The following PDE9A variants were observed in gnomAD, a reference collection of about 807,000 sequenced individuals.
PDE9A encodes the protein high affinity cGMP-specific 3',5'-cyclic phosphodiesterase 9A.
PDE9A carries 60 observed loss-of-function variants against 87.4 expected under a neutral mutation model. The observed-to-expected ratio is 0.69, with a 90% CI of 0.56 to 0.85. The LOEUF (loss-of-function observed/expected upper bound fraction) is 0.85, where lower values mean the gene tolerates loss of function less well. Among genes scored for constraint, PDE9A ranks in the 40% least tolerant of loss-of-function variants. The probability of loss-of-function intolerance (pLI) is 0.00; values close to 1 mark genes in which losing one functional copy is unlikely to be tolerated. For missense variants in PDE9A, 665 were observed against 779.0 expected (o/e 0.85, Z 1.74); for synonymous variants, 272 against 279.4 (o/e 0.97, Z 0.27).
At chr21:42,769,308 C>T (rs961488130) in intron 17 of PDE9A, among the ~76,000 whole-genome samples, 153 bp downstream of exon 17, 1 of 151,018 alleles carries the variant, frequency 6.6e-6, no homozygotes, top group Non-Finnish European at 1.5e-5. Context: ...CACATACAGG[C>T]ACATACACAT....
rs983208340 is a variant in PDE9A, at chr21:42,759,438, TGTGA to T, written c.897+357_897+360del. Among the ~76,000 whole-genome samples the T allele has an allele frequency of 2.6e-4, 38 of 143,406 alleles. No homozygotes were observed. The highest frequency in any genetic ancestry group is 4.4e-3 in the Middle Eastern group (1 of 226). The allele number at this position is 143,406 out of a possible 152,430, so 94.1% of individuals were successfully genotyped here. ...GTGAGAGTGAGTATGGGGGTGTGGA[TGTGA>T]GTGTGTGTGAGTGTGGGGTGTGGAT... On this transcript the variant is annotated intron_variant, in intron 11 of 19. Coordinates refer to ENST00000291539, the MANE Select transcript of PDE9A (RefSeq NM_002606.3). This position sits in a 1 kb window ranked among gnomAD's most constrained non-coding sequence, Gnocchi z 7.2.
chr21:42,655,173 TAC>T (rs1323998925), intron 1 of PDE9A, among the ~76,000 whole-genome samples: 2 of 150,092 alleles, frequency 1.3e-5, no homozygotes, highest in Admixed American at 6.6e-5. Context: ...CACACGTGCA[TAC>T]ACACACGTGC....
In PDE9A at chr21:42,772,091, G is replaced by A. The variant is rs541658805; in HGVS notation, c.1687-348G>A. On this transcript the variant is annotated intron_variant, in intron 18 of 19. Transcript: ENST00000291539. The stretch of plus-strand genomic sequence containing the variant: ...GATAGTAGGGTTCCTTAAGGCCTCT[G>A]CCTTCCCCCCTGTCAGCCCCCACAA... Among the ~76,000 whole-genome samples the A allele has an allele frequency of 2.8e-3, 421 of 149,524 alleles. 3 individuals are homozygous for A. Among genetic ancestry groups the A allele is most frequent in the African/African-American group, 1.0e-2 (388 of 38,872 alleles).
At chr21:42,717,905 G>T (rs73229566) in intron 4 of PDE9A, among the ~76,000 whole-genome samples, 5 of 64,440 alleles carry the variant, frequency 7.8e-5, no homozygotes, top group Non-Finnish European at 1.2e-4. Flanking sequence ...TTTGGGGTTT[G>T]TTTGTTTGTT....
In PDE9A at chr21:42,765,561, GCTCACA is replaced by G. The variant is rs2056311753; in HGVS notation, c.1356+70_1356+75del. Reference sequence around the variant, plus strand: ...GCTGGCGAAGCAGGTCATCCATCCAGCTCACACTGGAAGCCAAGAAGCTGAAATTAT... The same window carrying G: ...GCTGGCGAAGCAGGTCATCCATCCAGCTGGAAGCCAAGAAGCTGAAATTAT... On this transcript the variant is annotated intron_variant, in intron 15 of 19. Transcript: ENST00000291539. 9.7e-6 allele frequency: 8 copies of G among 825,288 alleles called. No homozygotes were observed. The East Asian group carries it at 2.1e-4, about 21-fold the overall frequency. 51.1% of individuals were successfully genotyped at this position (825,288 alleles called of 1,614,324 possible). A position where few individuals can be genotyped will look rare whatever the true frequency, so the allele number is the denominator to read the frequency against.
chr21:42,689,539 C>T, intron 3 of PDE9A: 1 of 985,444 alleles, frequency 1.0e-6, no homozygotes, highest in Non-Finnish European at 1.2e-6. Context: ...CTCACAGAAA[C>T]CAGCACCTTG....
intron 7 of PDE9A, among the ~76,000 whole-genome samples, chr21:42,738,983 G>A (rs374249862): frequency 1.7e-4 from 26 of 152,308 alleles, no homozygotes; most frequent in Non-Finnish European, 2.8e-4. Flanking sequence ...GAGCCACTGC[G>A]CCCGGCCTAC....
chr21:42,769,320 TAC>T lies in PDE9A; in HGVS notation c.1590+172_1590+173del, dbSNP rs776730167. ...ACGCACATACAGGCACATACACATA[TAC>T]ACACACGCACACAGCTACACACAGG... On this transcript the variant is annotated intron_variant, in intron 17 of 19. Coordinates refer to ENST00000291539, the MANE Select transcript of PDE9A (RefSeq NM_002606.3). Among the ~76,000 whole-genome samples, 462 of 142,968 alleles carry T rather than the reference TAC, an allele frequency of 3.2e-3. 1 individual carries two copies. Among genetic ancestry groups the T allele is most frequent in the African/African-American group, 6.5e-3 (248 of 37,902 alleles). The allele number at this position is 142,968 out of a possible 152,430, so 93.8% of individuals were successfully genotyped here.
rs1475965827 is a variant in PDE9A at position 42,753,874 on chromosome 21, AAAAAG to A, written c.736-112_736-108del. On this transcript the variant is annotated intron_variant, in intron 9 of 19. Transcript: ENST00000291539. ...GAGACTCTATCTCAAAAAAAAAAAA[AAAAAG>A]AAAGAAAGAAAAAGAAAGAGAACGG... is the stretch of plus-strand genomic sequence containing the variant. 4.1e-3 allele frequency: 2,455 copies of A among 604,236 alleles called. 11 individuals carry two copies. The highest frequency in any genetic ancestry group is 0.019 in the Middle Eastern group (72 of 3,772). 37.4% of individuals were successfully genotyped at this position (604,236 alleles called of 1,614,324 possible). A position where few individuals can be genotyped will look rare whatever the true frequency, so the allele number is the denominator to read the frequency against.
intron 1 of PDE9A, among the ~76,000 whole-genome samples, chr21:42,667,012 TC>T (rs559452601): frequency 1.4e-5 from 2 of 145,726 alleles, no homozygotes; most frequent in South Asian, 2.3e-4. Context: ...CTGTCCCCAC[TC>T]CCCCCCGCCC....
intron 8 of PDE9A, among the ~76,000 whole-genome samples, chr21:42,750,231 C>G (rs1396649312): frequency 4.6e-5 from 7 of 152,180 alleles, no homozygotes; most frequent in Admixed American, 2.6e-4. Context: ...GAGGCTGAGG[C>G]AGAAGGATCG....
Position 42,705,634 on chromosome 21 carries a change from G to A in PDE9A, c.262+6623G>A, listed in dbSNP as rs1001009582. On this transcript the variant is annotated intron_variant, in intron 4 of 19. Coordinates refer to ENST00000291539, the MANE Select transcript of PDE9A (RefSeq NM_002606.3). The surrounding 1 kb of genome is among the most constrained non-coding windows in gnomAD (Gnocchi z 4.3). ...TAGGGAAAGCGTGCTGCAGTCACAC[G>A]CCAGGACGGCCCCCCACGGCCCAAG... is the stretch of plus-strand genomic sequence containing the variant. 4.6e-5 allele frequency among the ~76,000 whole-genome samples: 7 copies of A among 152,126 alleles called. No homozygotes were observed. The highest frequency in any genetic ancestry group is 8.8e-5 in the Non-Finnish European group (6 of 68,012).
chr21:42,771,333 TGG>T (rs1210518070), intron 18 of PDE9A, among the ~76,000 whole-genome samples: 2 of 152,334 alleles, frequency 1.3e-5, no homozygotes, highest in East Asian at 3.9e-4. Context: ...GATATCATTT[TGG>T]AGGAAGGGGT....
intron 1 of PDE9A, among the ~76,000 whole-genome samples, chr21:42,683,873 C>T (rs768222743): frequency 2.0e-5 from 3 of 152,192 alleles, no homozygotes; most frequent in African/African-American, 7.2e-5. Flanking sequence ...GGATGTGGTG[C>T]CCTTTGTGCC....
intron 8 of PDE9A, among the ~76,000 whole-genome samples, chr21:42,748,273 C>T (rs988669455): frequency 5.9e-5 from 9 of 152,142 alleles, no homozygotes; most frequent in African/African-American, 2.2e-4. Flanking sequence ...AATGGAATTT[C>T]TCGTTTAATG....
At chr21:42,668,178 C>CT (rs1189155267) in intron 1 of PDE9A, among the ~76,000 whole-genome samples, 1 of 152,164 alleles carries the variant, frequency 6.6e-6, no homozygotes, top group Non-Finnish European at 1.5e-5. Context: ...AGAAGGTCCT[C>CT]TCCCCCAGTG....
chr21:42,726,737 A>C (rs924954315), intron 4 of PDE9A, among the ~76,000 whole-genome samples: 4 of 148,382 alleles, frequency 2.7e-5, no homozygotes, highest in African/African-American at 1.0e-4. Context: ...CTGGGATTAC[A>C]GGCATGCGCC....
At chr21:42,676,436 G>A (rs910422029) in intron 1 of PDE9A, among the ~76,000 whole-genome samples, 3 of 152,114 alleles carry the variant, frequency 2.0e-5, no homozygotes, top group Non-Finnish European at 4.4e-5. Context: ...TGCCTAACTC[G>A]ATTTCCAGCA....
intron 4 of PDE9A, among the ~76,000 whole-genome samples, chr21:42,699,504 G>A (rs1390337725): frequency 6.6e-6 from 1 of 152,112 alleles, no homozygotes; most frequent in African/African-American, 2.4e-5. Context: ...ATGCCTTGGG[G>A]TGCCTCATAC....
Sources: allele counts gnomAD v4.1 joint callset (sites outside exome capture counted in the v4.1 genomes callset), GRCh38; gene constraint gnomAD v4.1.1; non-coding constraint Gnocchi (gnomAD v3.1); transcripts MANE v1.5; gene names NCBI Gene and HGNC (gene_info 2026-07-23, HGNC 2026-07-21).